Variants in CFAP251 observed in about 807,000 individuals in gnomAD.
The protein encoded by CFAP251 is cilia- and flagella-associated protein 251.
Under a neutral mutation model 126.7 loss-of-function variants are expected in CFAP251, and 93 were observed. The observed-to-expected ratio is 0.73, with a 90% CI of 0.62 to 0.87. The LOEUF (loss-of-function observed/expected upper bound fraction) is 0.87. Ranked by LOEUF, CFAP251 falls within the 40% of genes least tolerant of loss-of-function variation. The pLI is 0.00. For synonymous variants in CFAP251, 503 were observed against 506.9 expected (o/e 0.99, Z 0.10); for missense variants, 1,287 against 1,389.2 (o/e 0.93, Z 1.17).
At chr12:121,999,965 G>A in intron 20 of CFAP251, 21 bp downstream of exon 20, 1 of 1,591,096 alleles carries the variant, frequency 6.3e-7, no homozygotes, top group East Asian at 2.3e-5. Context: ...ACATCAGGAT[G>A]TCTGGTAACA....
intron 10 of CFAP251, among the ~76,000 whole-genome samples, chr12:121,956,560 A>G (rs1881733900): frequency 6.6e-6 from 1 of 152,120 alleles, no homozygotes; most frequent in Admixed American, 6.6e-5. Context: ...CAATGATGCA[A>G]TCTCGGCTCA....
Position 121,958,957 on chromosome 12 carries a change from G to A in CFAP251, c.1996G>A (p.Ala666Thr), listed in dbSNP as rs1215557021. The change falls in exon 13 of 22, where the codon GCT becomes ACT. Residue 666 changes from alanine to threonine, a missense_variant. Physicochemically the swap from Ala to Thr is moderately conservative, Grantham distance 58. Transcript: ENST00000288912. ...TGTCATTTCAGGAGCCCTTCTTGGA[G>A]CTGGCTTTACAGAGGGGACAGTTTA... Reference protein sequence around the residue: ...TYNPEGALLGAGFTEGTVYIL... With the variant: ...TYNPEGALLGTGFTEGTVYIL... 1 of 1,588,170 alleles carries A rather than the reference G, an allele frequency of 6.3e-7. No homozygotes were observed. Among genetic ancestry groups the A allele is most frequent in the Non-Finnish European group, 8.5e-7 (1 of 1,172,624 alleles).
At position 121,951,525 on chromosome 12, in the gene CFAP251, G is replaced by C. The variant is rs759581922; in HGVS notation, c.1315G>C (p.Glu439Gln). The change falls in exon 9 of 22, where the codon GAA becomes CAA. Residue 439 changes from glutamate (E) to glutamine (Q), a missense_variant. Coordinates refer to ENST00000288912, the MANE Select transcript of CFAP251 (RefSeq NM_144668.6). ...GGCTCACAGTGCCCCACTTTTAACT[G>C]AAAAAGTGAGTATGCCTATTGCATT... ...TLAHSAPLLT[E>Q]KTFNKLVGKF... 7.0e-6 allele frequency: 11 copies of C among 1,582,184 alleles called. No homozygotes were observed. The Admixed American group carries it at 1.8e-4, about 27-fold the overall frequency.
At chr12:121,987,343 C>T (rs2135809270) in intron 19 of CFAP251, among the ~76,000 whole-genome samples, 1 of 152,258 alleles carries the variant, frequency 6.6e-6, no homozygotes, top group South Asian at 2.1e-4. Context: ...CAGAGCAAGA[C>T]AAAACTATTT....
At chr12:121,968,252 G>A (rs769761389) in intron 17 of CFAP251, 83 bp downstream of exon 17, 132 of 1,391,912 alleles carry the variant, frequency 9.5e-5, no homozygotes, top group South Asian at 1.1e-4. Context: ...ACCCTACTGC[G>A]TGCCAGGCAC....
intron 3 of CFAP251, among the ~76,000 whole-genome samples, chr12:121,928,642 ATATATATATATATACG>A (rs1565902556): frequency 3.0e-4 from 9 of 30,040 alleles, no homozygotes; most frequent in South Asian, 9.6e-4. Flanking sequence ...ATATACGTAT[ATATATATATATATACG>A]TATATATATA....
At chr12:121,938,488 A>C (rs1880977650) in intron 5 of CFAP251, among the ~76,000 whole-genome samples, 1 of 149,860 alleles carries the variant, frequency 6.7e-6, no homozygotes, top group East Asian at 2.0e-4. Context: ...CACCCAGCTA[A>C]TTTTTTTGTA....
chr12:121,952,945 G>A (rs1212462363), intron 9 of CFAP251: 9 of 152,122 alleles, frequency 5.9e-5, no homozygotes, highest in Admixed American at 3.3e-4. Flanking sequence ...GCTCTTAAGG[G>A]AAATATAGGG....
chr12:121,999,950 CACAT>C lies in CFAP251; in HGVS notation c.3235+11_3235+14del, dbSNP rs1406473020. 1 of 1,603,760 alleles carries C rather than the reference CACAT, an allele frequency of 6.2e-7. No homozygotes were observed. Among genetic ancestry groups the C allele is most frequent in the Non-Finnish European group, 8.5e-7 (1 of 1,171,282 alleles). On this transcript the variant is annotated splice_region_variant and intron_variant, in intron 20 of 21. Transcript: ENST00000288912. ...GAGACTGCTCGTTACTAAAGGTAAG[CACAT>C]ACATCAGGATGTCTGGTAACATCCT...
intron 3 of CFAP251, among the ~76,000 whole-genome samples, chr12:121,925,853 T>G (rs1408966120): frequency 6.6e-6 from 1 of 152,030 alleles, no homozygotes; most frequent in Non-Finnish European, 1.5e-5. Flanking sequence ...TATTTATTTA[T>G]TTATTTTTTG....
chr12:121,992,142 G>T lies in CFAP251; in HGVS notation c.3007-7574G>T, dbSNP rs1254552591. 9 of 937,798 alleles carry T rather than the reference G, an allele frequency of 9.6e-6. No homozygotes were observed. The South Asian group carries it at 3.9e-4, about 41-fold the overall frequency. 58.1% of individuals were successfully genotyped at this position (937,798 alleles called of 1,614,324 possible). ...TGACAACCACCAGTGCGTCTGGGCC[G>T]CTCAGCTAGGACTCCTGCTTCTCTC... On this transcript the variant is annotated intron_variant, in intron 19 of 21. Coordinates refer to ENST00000288912, the MANE Select transcript of CFAP251 (RefSeq NM_144668.6).
rs372990189 is a variant in CFAP251 at position 121,921,408 on chromosome 12, G to T, written c.103G>T (p.Asp35Tyr). The T allele has an allele frequency of 5.3e-5, 85 of 1,613,668 alleles. 1 individual carries two copies. The highest frequency in any genetic ancestry group is 6.2e-5 in the Non-Finnish European group (73 of 1,179,978). ...TAATCCAAATTATAAAGAAGTAGAA[G>T]ATCCACAACAGGAATCAAAAGATGA... Reference protein sequence around the residue: ...EPNPNYKEVEDPQQESKDDTI... With the variant: ...EPNPNYKEVEYPQQESKDDTI... The change falls in exon 2 of 22, where the codon GAT (aspartate) becomes TAT (tyrosine). Residue 35 changes from aspartate to tyrosine, a missense_variant. Physicochemically the swap from Asp to Tyr is radical, Grantham distance 160. Coordinates refer to ENST00000288912, the MANE Select transcript of CFAP251 (RefSeq NM_144668.6).
chr12:121,929,829 C>G (rs1880607292), intron 3 of CFAP251, among the ~76,000 whole-genome samples: 1 of 152,102 alleles, frequency 6.6e-6, no homozygotes. Flanking sequence ...AGGCATGCGC[C>G]ACCACACCTG....
intron 18 of CFAP251, 67 bp downstream of exon 18, chr12:121,975,401 G>T: frequency 6.4e-7 from 1 of 1,572,478 alleles, no homozygotes. Flanking sequence ...AATGTGCCCA[G>T]GGTTAACCTT....
At chr12:121,969,529 A>C (rs2135794395) in intron 17 of CFAP251, 1 of 973,218 alleles carries the variant, frequency 1.0e-6, no homozygotes, top group South Asian at 4.8e-5. Flanking sequence ...TCAGTCGCTC[A>C]GGCTGTAGTA....
chr12:121,964,018 A>G (rs901759981), intron 15 of CFAP251, among the ~76,000 whole-genome samples: 1 of 152,098 alleles, frequency 6.6e-6, no homozygotes, highest in African/African-American at 2.4e-5. Flanking sequence ...CACCACTGCC[A>G]CTGCCACCAC....
At position 121,942,880 on chromosome 12, in the gene CFAP251, T is replaced by C. The variant is rs1418049778; in HGVS notation, c.1111-15T>C. ...ACAGACCTTCTCATGCCCCTCTCTC[T>C]ACTGTCACCTACAGAAGGTATGCAT... On this transcript the variant is annotated splice_polypyrimidine_tract_variant and intron_variant, in intron 6 of 21. Transcript: ENST00000288912. The C allele has an allele frequency of 1.2e-6, 2 of 1,613,992 alleles. No homozygotes were observed. The highest frequency in any genetic ancestry group is 4.5e-5 in the East Asian group (2 of 44,874).
chr12:121,959,115 C>T lies in CFAP251; in HGVS notation c.2133+21C>T, dbSNP rs764545934. ...CTGCTGTAAGTATTTTCATGGACAA[C>T]CCATCCAGTGGCTTAGCAATTTTAT... On this transcript the variant is annotated intron_variant, in intron 13 of 21. Coordinates refer to ENST00000288912, the MANE Select transcript of CFAP251 (RefSeq NM_144668.6). 2.6e-6 allele frequency: 4 copies of T among 1,567,884 alleles called. No homozygotes were observed. The Admixed American group carries it at 6.1e-5, about 24-fold the overall frequency.
At chr12:121,985,449 G>A (rs892930491) in intron 19 of CFAP251, among the ~76,000 whole-genome samples, 5 of 149,574 alleles carry the variant, frequency 3.3e-5, no homozygotes, top group African/African-American at 5.0e-5. Context: ...CAGGAGAATC[G>A]CTTGAACCCA....
Sources: gnomAD v4.1 joint callset for allele counts (sites outside exome capture counted in the v4.1 genomes callset) on GRCh38, gnomAD v4.1.1 for gene constraint, MANE v1.5 for transcripts, NCBI Gene and HGNC (gene_info 2026-07-23, HGNC 2026-07-21) for gene names.